GRID2: variants seen among roughly 807,000 people sequenced by gnomAD.
GRID2 encodes glutamate ionotropic receptor delta type subunit 2.
GRID2 carries 33 observed loss-of-function variants against 114.8 expected under a neutral mutation model. The observed-to-expected ratio is 0.29, with a 90% confidence interval of 0.22 to 0.38. The LOEUF is 0.38. GRID2 is among the 10% of genes least tolerant of loss of function. The pLI is 1.00. For synonymous variants in GRID2, 505 were observed against 449.9 expected (o/e 1.12, Z -1.55); for missense variants, 1,184 against 1,257.7 (o/e 0.94, Z 0.89).
At chr4:93,233,986 A>G (rs1297683772) in intron 7 of GRID2, among the ~76,000 whole-genome samples, 1 of 152,188 alleles carries the variant, frequency 6.6e-6, no homozygotes, top group Non-Finnish European at 1.5e-5. Context: ...AAACGTCTGC[A>G]TACTTAGAGA....
At chr4:92,987,531 C>T (rs1754584116) in intron 2 of GRID2, among the ~76,000 whole-genome samples, 1 of 151,520 alleles carries the variant, frequency 6.6e-6, no homozygotes, top group Non-Finnish European at 1.5e-5. Context: ...CAACATGGCA[C>T]ATGTATATAT....
chr4:92,768,009 T>G (rs1560580862), intron 2 of GRID2, among the ~76,000 whole-genome samples: 2 of 152,242 alleles, frequency 1.3e-5, no homozygotes. Context: ...TATTATTATA[T>G]CTGTTATTTG....
chr4:93,782,443 A>T (rs1734498702), intron 1 of GRID2, among the ~76,000 whole-genome samples: 1 of 152,192 alleles, frequency 6.6e-6, no homozygotes, highest in African/African-American at 2.4e-5. Flanking sequence ...GTATGCTTTT[A>T]GTTCCGAGTC....
intron 2 of GRID2, among the ~76,000 whole-genome samples, chr4:92,887,484 G>A (rs752537881): frequency 6.6e-6 from 1 of 152,128 alleles, no homozygotes; most frequent in African/African-American, 2.4e-5. Flanking sequence ...TTTGTGTCAT[G>A]TTCATTGTGT....
intron 4 of GRID2, among the ~76,000 whole-genome samples, chr4:93,126,746 C>T (rs1395966737): frequency 1.3e-5 from 2 of 150,158 alleles, no homozygotes; most frequent in African/African-American, 4.9e-5. Flanking sequence ...TACAGGCGCC[C>T]GCTACCACGC....
intron 2 of GRID2, among the ~76,000 whole-genome samples, chr4:92,887,830 C>T (rs1446807831): frequency 1.3e-5 from 2 of 152,148 alleles, no homozygotes; most frequent in Non-Finnish European, 2.9e-5. Flanking sequence ...TCCTTAAGTT[C>T]TGGCTGAACT....
At chr4:92,947,261 C>G (rs902148198) in intron 2 of GRID2, among the ~76,000 whole-genome samples, 1 of 152,028 alleles carries the variant, frequency 6.6e-6, no homozygotes. Context: ...ATCTCATCCT[C>G]TTTGTCAGCA....
At chr4:93,073,058 T>C (rs570791433) in intron 2 of GRID2, among the ~76,000 whole-genome samples, 82 of 152,280 alleles carry the variant, frequency 5.4e-4, no homozygotes, top group Non-Finnish European at 1.0e-3. Flanking sequence ...CTCCAGTAAA[T>C]TGTATCATGC....
At position 93,070,385 on chromosome 4, in the gene GRID2, A is replaced by G. The variant is rs1728706975; in HGVS notation, c.245-14610A>G. Among the ~76,000 whole-genome samples, 5 of 152,134 alleles carry G rather than the reference A, an allele frequency of 3.3e-5. 1 individual carries two copies. Among genetic ancestry groups the G allele is most frequent in the Admixed American group, 1.3e-4 (2 of 15,242 alleles). Reference sequence around the variant, plus strand: ...TTCTGCTACTAAGTTGAAAGGCATTATTAGTGAAATTAGAATATGATAACA... The same window carrying G: ...TTCTGCTACTAAGTTGAAAGGCATTGTTAGTGAAATTAGAATATGATAACA... On this transcript the variant is annotated intron_variant, in intron 2 of 15. Transcript: ENST00000282020.
chr4:92,519,229 G>C (rs531359088), intron 1 of GRID2, among the ~76,000 whole-genome samples: 1 of 151,862 alleles, frequency 6.6e-6, no homozygotes, highest in South Asian at 2.1e-4. Context: ...GCCCAAACCT[G>C]AGAAGCATTT....
At chr4:92,586,121 T>G (rs952041248) in intron 1 of GRID2, among the ~76,000 whole-genome samples, 1 of 151,866 alleles carries the variant, frequency 6.6e-6, no homozygotes, top group African/African-American at 2.4e-5. Flanking sequence ...AAAAATAGAT[T>G]ATATGGCCTA....
chr4:92,321,379 A>G (rs908839717), intron 1 of GRID2, among the ~76,000 whole-genome samples: 1 of 152,322 alleles, frequency 6.6e-6, no homozygotes. Flanking sequence ...TGTGCGCAAA[A>G]ACACTGTTCA....
intron 12 of GRID2, 128 bp downstream of exon 12, chr4:93,490,905 T>G: frequency 1.6e-6 from 1 of 619,428 alleles, no homozygotes. Flanking sequence ...AGGATCAATT[T>G]TGTGTTACTG....
chr4:92,441,173 A>G (rs1733049383), intron 1 of GRID2, among the ~76,000 whole-genome samples: 1 of 151,760 alleles, frequency 6.6e-6, no homozygotes, highest in Non-Finnish European at 1.5e-5. Context: ...TAGGAAGGAA[A>G]GGAGTTGTTG....
rs531227078 is a variant in GRID2 at position 92,435,290 on chromosome 4, C to T, written c.88+130546C>T. On this transcript the variant is annotated intron_variant, in intron 1 of 15. Coordinates refer to ENST00000282020, the MANE Select transcript of GRID2 (RefSeq NM_001510.4). ...TTCAACCTGAGTGTAGCTTTGTGATCGAAGGAGTTTATGACAGAAAATAGT... is the reference window on the plus strand; with the variant it reads ...TTCAACCTGAGTGTAGCTTTGTGATTGAAGGAGTTTATGACAGAAAATAGT... Among the ~76,000 whole-genome samples the T allele has an allele frequency of 4.6e-5, 7 of 151,934 alleles. No homozygotes were observed. In the South Asian group the frequency reaches 6.2e-4, roughly 14 times the overall value.
intron 1 of GRID2, among the ~76,000 whole-genome samples, chr4:92,434,910 A>G (rs940644932): frequency 2.6e-5 from 4 of 152,174 alleles, no homozygotes; most frequent in African/African-American, 9.7e-5. Context: ...ATATTTAAAA[A>G]TAGAAGATTA....
chr4:93,238,602 A>T, intron 8 of GRID2, 112 bp downstream of exon 8: 1 of 784,084 alleles, frequency 1.3e-6, no homozygotes, highest in Non-Finnish European at 2.0e-6. Flanking sequence ...GTAGTGTGAA[A>T]GAGAAAGCAG....
chr4:92,614,650 C>T (rs749235180), intron 2 of GRID2, among the ~76,000 whole-genome samples: 1 of 151,572 alleles, frequency 6.6e-6, no homozygotes, highest in Non-Finnish European at 1.5e-5. Flanking sequence ...GGAGTATATT[C>T]ATGTGTGCTT....
At chr4:92,893,505 G>A (rs1203333186) in intron 2 of GRID2, among the ~76,000 whole-genome samples, 1 of 152,114 alleles carries the variant, frequency 6.6e-6, no homozygotes, top group African/African-American at 2.4e-5. Context: ...CTCTGAGCCT[G>A]TGTTCTCACC....
Sources: allele counts gnomAD v4.1 joint callset (sites outside exome capture counted in the v4.1 genomes callset), GRCh38; gene constraint gnomAD v4.1.1; transcripts MANE v1.5; gene names NCBI Gene and HGNC (gene_info 2026-07-23, HGNC 2026-07-21).